The following NSD1 variants were observed in gnomAD, a reference collection of about 807,000 sequenced individuals.
NSD1 encodes nuclear receptor binding SET domain protein 1, also known as histone-lysine N-methyltransferase, H3 lysine-36 specific.
Under a neutral mutation model 242.7 loss-of-function variants are expected in NSD1, and 26 were observed. The ratio of observed to expected loss-of-function variants is 0.11; its 90% CI spans 0.08 to 0.15. The LOEUF is 0.15. Ranked by LOEUF, NSD1 falls within the 10% of genes least tolerant of loss-of-function variation. The pLI is 1.00. For missense variants in NSD1, 2,495 were observed against 3,272.8 expected, an observed-to-expected ratio of 0.76 and a Z score of 5.80; for synonymous variants, 1,106 against 1,178.1, an observed-to-expected ratio of 0.94 and a Z score of 1.25.
rs528639570 is a variant in NSD1, at chr5:177,198,639, G to A, written c.1064-5481G>A. Among the ~76,000 whole-genome samples the A allele has an allele frequency of 9.3e-4, 142 of 152,206 alleles. 1 individual carries two copies. Among genetic ancestry groups the A allele is most frequent in the African/African-American group, 3.2e-3 (134 of 41,532 alleles). Reference sequence around the variant, plus strand: ...CCTGTAAACACCAACATATGGGGGGGTCAAGGCTTCAGAATAATGCATTTC... The same window carrying A: ...CCTGTAAACACCAACATATGGGGGGATCAAGGCTTCAGAATAATGCATTTC... On this transcript the variant is annotated intron_variant, in intron 3 of 22. Transcript: ENST00000439151.
intron 2 of NSD1, among the ~76,000 whole-genome samples, chr5:177,164,016 C>CGG (rs1562140007): frequency 6.6e-6 from 1 of 151,974 alleles, no homozygotes; most frequent in African/African-American, 2.4e-5. Flanking sequence ...GACGTGGTCT[C>CGG]GCTCTGATGA....
At chr5:177,254,980 T>C (rs984359800) in intron 12 of NSD1, among the ~76,000 whole-genome samples, 27 of 152,192 alleles carry the variant, frequency 1.8e-4, no homozygotes, top group Non-Finnish European at 5.9e-5. Context: ...GCTCACCCTA[T>C]TTTCCTGCAA....
rs569320567 is a variant in NSD1, at chr5:177,234,784, T to A, written c.3797-1037T>A. On this transcript the variant is annotated intron_variant, in intron 5 of 22. Coordinates refer to ENST00000439151, the MANE Select transcript of NSD1 (RefSeq NM_022455.5). ...CTCGTTGTTAATGAGACAGATGACT[T>A]TAGAGGAAACATTTTAAAAAGCTAT... 3.9e-5 allele frequency among the ~76,000 whole-genome samples: 6 copies of A among 152,290 alleles called. No individual in the cohort carries two copies. The East Asian group carries it at 1.2e-3, about 29-fold the overall frequency.
intron 12 of NSD1, 92 bp from the exon 13 acceptor site, chr5:177,256,859 A>G (rs1174411809): frequency 2.0e-6 from 2 of 1,025,072 alleles, no homozygotes; most frequent in Non-Finnish European, 3.1e-6. Context: ...CGATCAGTCC[A>G]TTATAAAATT....
At chr5:177,158,922 T>TTGTGTG (rs560922028) in intron 2 of NSD1, among the ~76,000 whole-genome samples, 49 of 132,392 alleles carry the variant, frequency 3.7e-4, no homozygotes, top group African/African-American at 1.4e-3. Context: ...TATATATAGT[T>TTGTGTG]TGTGTGTGTG....
chr5:177,182,979 A>G (rs1398094513), intron 2 of NSD1, among the ~76,000 whole-genome samples: 1 of 151,978 alleles, frequency 6.6e-6, no homozygotes, highest in Non-Finnish European at 1.5e-5. Flanking sequence ...TCTCACTTAT[A>G]TTGCCAAGTA....
intron 5 of NSD1, among the ~76,000 whole-genome samples, chr5:177,212,475 TTCTC>T (rs1220906891): frequency 2.0e-4 from 26 of 129,346 alleles, no homozygotes; most frequent in African/African-American, 5.8e-4. Flanking sequence ...CTCTCTCTCT[TTCTC>T]TCTCTCTCTT....
chr5:177,207,196 C>A (rs1453481528), intron 4 of NSD1, among the ~76,000 whole-genome samples: 1 of 152,202 alleles, frequency 6.6e-6, no homozygotes, highest in East Asian at 1.9e-4. Flanking sequence ...ATCCCCCCGA[C>A]CTTGGCCTCT....
chr5:177,157,866 C>T (rs999353350), intron 2 of NSD1, among the ~76,000 whole-genome samples: 1 of 152,136 alleles, frequency 6.6e-6, no homozygotes, highest in Non-Finnish European at 1.5e-5. Context: ...AATTTGTGGC[C>T]TTTCGTGTCT....
chr5:177,225,604 T>G (rs955892632), intron 5 of NSD1, among the ~76,000 whole-genome samples: 9 of 152,162 alleles, frequency 5.9e-5, no homozygotes, highest in African/African-American at 1.7e-4. Flanking sequence ...TATATAGATC[T>G]ACCTTTGCTA....
At chr5:177,293,689 G>A (rs1760037204) in intron 22 of NSD1, 143 bp from the exon 23 acceptor site, 2 of 803,940 alleles carry the variant, frequency 2.5e-6, no homozygotes, top group East Asian at 2.6e-5. Context: ...GCAAGAGGTG[G>A]CTGGTGAGTG....
chr5:177,203,988 G>C (rs765117981), intron 3 of NSD1, 132 bp from the exon 4 acceptor site: 131 of 870,586 alleles, frequency 1.5e-4, no homozygotes, highest in Middle Eastern at 2.9e-4. Flanking sequence ...ATCTATTCTA[G>C]GTTGTCTAGT....
At chr5:177,234,440 C>G (rs1010975826) in intron 5 of NSD1, among the ~76,000 whole-genome samples, 1 of 152,124 alleles carries the variant, frequency 6.6e-6, no homozygotes, top group African/African-American at 2.4e-5. Context: ...TTGGGCTGGG[C>G]GCAGTGTCTC....
chr5:177,238,525 T>C lies in NSD1; in HGVS notation c.4192+18T>C. The C allele has an allele frequency of 1.2e-6, 2 of 1,610,152 alleles. No homozygotes were observed. The highest frequency in any genetic ancestry group is 1.7e-6 in the Non-Finnish European group (2 of 1,179,786). On this transcript the variant is annotated intron_variant, in intron 7 of 22. Transcript: ENST00000439151. The surrounding 1 kb of genome is among the most constrained non-coding windows in gnomAD (Gnocchi z 4.6). ...AACGCCAGGTAAGGTGGGGTTGGGG[T>C]CTCAGTATTTGAGCAGATATGATTA...
rs540248160 is a variant in NSD1, at chr5:177,134,470, C to T, written c.-18+518C>T. 8.7e-4 allele frequency among the ~76,000 whole-genome samples: 133 copies of T among 152,310 alleles called. 2 individuals carry two copies. The South Asian group carries it at 0.023, about 27-fold the overall frequency. On this transcript the variant is annotated intron_variant, in intron 1 of 22. Transcript: ENST00000439151. The surrounding 1 kb of genome is among the most constrained non-coding windows in gnomAD (Gnocchi z 4.2). The stretch of plus-strand genomic sequence containing the variant: ...TCGCTGGCCGCCTCGGTTTCTCCCT[C>T]TGCCGGGTCCAGGCCTCTTCGCCCT...
intron 11 of NSD1, among the ~76,000 whole-genome samples, chr5:177,249,021 T>G (rs1755684601): frequency 6.6e-6 from 1 of 152,154 alleles, no homozygotes; most frequent in African/African-American, 2.4e-5. Context: ...TGGTTTAGAG[T>G]CTTAACCATT....
chr5:177,209,585 C>G (rs760267005), intron 4 of NSD1, 51 bp from the exon 5 acceptor site: 38 of 1,385,778 alleles, frequency 2.7e-5, no homozygotes, highest in Middle Eastern at 1.8e-4. Context: ...TCCCTTTTCC[C>G]CCACCCATTT....
rs992453816 is a variant in NSD1, at chr5:177,242,700, T to C, written c.4303-1495T>C. Among the ~76,000 whole-genome samples, 6 of 152,002 alleles carry C rather than the reference T, an allele frequency of 3.9e-5. No homozygotes were observed. In the East Asian group the frequency reaches 5.8e-4, roughly 15 times the overall value. ...GTGCCACCATGCCTGGCTAATTTTT[T>C]GTATTTTTAGTAGAGGCAGGGTTTC... On this transcript the variant is annotated intron_variant, in intron 8 of 22. Transcript: ENST00000439151.
intron 17 of NSD1, among the ~76,000 whole-genome samples, chr5:177,275,008 A>C (rs1405120247): frequency 6.6e-6 from 1 of 151,866 alleles, no homozygotes; most frequent in African/African-American, 2.4e-5. Flanking sequence ...TGCTGGGATT[A>C]CAGGCATGAG....
Sources: gnomAD v4.1 joint callset for allele counts (sites outside exome capture counted in the v4.1 genomes callset) on GRCh38, gnomAD v4.1.1 for gene constraint, Gnocchi (gnomAD v3.1) non-coding constraint, MANE v1.5 for transcripts, NCBI Gene and HGNC (gene_info 2026-07-23, HGNC 2026-07-21) for gene names.